LRP1B: variants seen among roughly 807,000 people sequenced by gnomAD.
LRP1B encodes LDL receptor related protein 1B.
Under a neutral mutation model 556.6 loss-of-function variants are expected in LRP1B, and 217 were observed. That is an observed-to-expected ratio of 0.39 (90% CI 0.35 to 0.44). The LOEUF is 0.44. Among genes scored for constraint, LRP1B ranks in the 20% least tolerant of loss-of-function variants. The pLI is 1.00. For missense variants in LRP1B, 5,053 were observed against 5,620.8 expected (o/e 0.90, Z 3.23); for synonymous variants, 2,047 against 1,865.8 (o/e 1.10, Z -2.50).
At chr2:141,100,345 A>G (rs1342413502) in intron 7 of LRP1B, among the ~76,000 whole-genome samples, 1 of 152,184 alleles carries the variant, frequency 6.6e-6, no homozygotes, top group African/African-American at 2.4e-5. Flanking sequence ...GCTCACAGCA[A>G]ATTCTAAAAA....
At chr2:141,752,001 C>T (rs1437347) in intron 2 of LRP1B, among the ~76,000 whole-genome samples, 61,022 of 150,780 alleles carry the variant, frequency 0.4, 12,602 homozygotes, top group East Asian at 0.5. Context: ...CGGATTAAAA[C>T]GGGCTTTATA....
chr2:141,761,032 C>T (rs184040799), intron 2 of LRP1B, among the ~76,000 whole-genome samples: 4 of 152,238 alleles, frequency 2.6e-5, no homozygotes, highest in African/African-American at 9.6e-5. Flanking sequence ...ATGGGGTTGA[C>T]AGACTGAGTG....
At chr2:141,210,407 CTCTTT>C (rs1327534401) in intron 6 of LRP1B, among the ~76,000 whole-genome samples, 3 of 152,134 alleles carry the variant, frequency 2.0e-5, no homozygotes, top group Admixed American at 6.5e-5. Context: ...AATAATTTCT[CTCTTT>C]TCTTTGTTCA....
At chr2:140,470,144 T>A (rs931337676) in intron 60 of LRP1B, among the ~76,000 whole-genome samples, 8 of 152,106 alleles carry the variant, frequency 5.3e-5, no homozygotes, top group Non-Finnish European at 2.9e-5. Flanking sequence ...AGAGTATAGG[T>A]TTTCTCCTCC....
intron 3 of LRP1B, among the ~76,000 whole-genome samples, chr2:141,414,246 A>AAAAAAAAGAAAAG (rs1553511549): frequency 0.018 from 2,689 of 147,836 alleles, 107 homozygotes; most frequent in African/African-American, 0.066. Flanking sequence ...TCAAAAAAAA[A>AAAAAAAAGAAAAG]AAAAAAAGAA....
At chr2:140,492,024 C>T (rs1298375788) in intron 57 of LRP1B, among the ~76,000 whole-genome samples, 2 of 152,110 alleles carry the variant, frequency 1.3e-5, no homozygotes, top group Non-Finnish European at 2.9e-5. Context: ...AATGTGAGTG[C>T]TGCCCTAATA....
intron 27 of LRP1B, among the ~76,000 whole-genome samples, chr2:140,852,863 T>G (rs1692501297): frequency 6.6e-6 from 1 of 151,986 alleles, no homozygotes; most frequent in Non-Finnish European, 1.5e-5. Flanking sequence ...AGATTTTAAT[T>G]TATCTAGTAT....
In LRP1B at chr2:142,110,818, A is replaced by G. The variant is rs372986416; in HGVS notation, c.82+19830T>C. On this transcript the variant is annotated intron_variant, in intron 1 of 90. Transcript: ENST00000389484. ...TTTACTGTATCATGATGAACAACCTATTGTAAATTGGTTCTCTTTTTCTTC... is the reference window on the plus strand; with the variant it reads ...TTTACTGTATCATGATGAACAACCTGTTGTAAATTGGTTCTCTTTTTCTTC... 2.0e-5 allele frequency among the ~76,000 whole-genome samples: 3 copies of G among 152,262 alleles called. No homozygotes were observed. The East Asian group carries it at 5.8e-4, about 29-fold the overall frequency.
intron 53 of LRP1B, among the ~76,000 whole-genome samples, chr2:140,506,182 A>G: frequency 6.6e-6 from 1 of 152,110 alleles, no homozygotes; most frequent in East Asian, 1.9e-4. Flanking sequence ...TACTGTCTTC[A>G]AATTTCAAGT....
intron 1 of LRP1B, among the ~76,000 whole-genome samples, chr2:141,913,954 G>A (rs1200425995): frequency 6.6e-6 from 1 of 152,060 alleles, no homozygotes; most frequent in African/African-American, 2.4e-5. Flanking sequence ...CACTGTGTTA[G>A]CCAGGATGGT....
intron 4 of LRP1B, among the ~76,000 whole-genome samples, chr2:141,253,358 C>A (rs73962886): frequency 0.026 from 3,943 of 152,244 alleles, 208 homozygotes; most frequent in African/African-American, 0.091. Flanking sequence ...AGTTTGGCCT[C>A]CCTGTGGTCA....
intron 5 of LRP1B, among the ~76,000 whole-genome samples, chr2:141,242,468 A>G (rs1683913211): frequency 6.6e-6 from 1 of 152,132 alleles, no homozygotes; most frequent in Non-Finnish European, 1.5e-5. Context: ...GTCTAGAAAC[A>G]TGCTTCCTTC....
chr2:140,232,584 TATTA>T lies in LRP1B; in HGVS notation c.*598_*601del, dbSNP rs570095917. 1.3e-5 allele frequency: 2 copies of T among 151,884 alleles called. No homozygotes were observed. The highest frequency in any genetic ancestry group is 4.1e-4 in the South Asian group (2 of 4,826). The allele number at this position is 151,884 out of a possible 1,614,324, so 9.4% of individuals were successfully genotyped here. On this transcript the variant is annotated 3_prime_UTR_variant, in exon 91 of 91. Transcript: ENST00000389484. ...TGTAGTCATCTGTGTTCATGCAAAT[TATTA>T]ATTTTACATATTTTTAATTTTTTTC...
intron 2 of LRP1B, among the ~76,000 whole-genome samples, chr2:141,740,496 A>G (rs886565585): frequency 2.0e-5 from 3 of 152,178 alleles, no homozygotes; most frequent in African/African-American, 7.2e-5. Flanking sequence ...GTCAGTTACA[A>G]GAGATATTTT....
intron 2 of LRP1B, among the ~76,000 whole-genome samples, chr2:141,586,701 G>C (rs1389186423): frequency 2.5e-4 from 38 of 152,264 alleles, no homozygotes; most frequent in Admixed American, 2.5e-3. Context: ...CCAGCACTTT[G>C]GGAGGCCGAG....
At chr2:141,376,558 T>A (rs985058627) in intron 3 of LRP1B, among the ~76,000 whole-genome samples, 1 of 152,214 alleles carries the variant, frequency 6.6e-6, no homozygotes, top group Non-Finnish European at 1.5e-5. Context: ...CTGCATCTAG[T>A]AAGTCATCTT....
chr2:140,386,617 C>A (rs1323051160), intron 66 of LRP1B, among the ~76,000 whole-genome samples: 1 of 151,978 alleles, frequency 6.6e-6, no homozygotes, highest in African/African-American at 2.4e-5. Flanking sequence ...GCACTGAGTA[C>A]CAGGAAAGTA....
intron 3 of LRP1B, among the ~76,000 whole-genome samples, chr2:141,330,754 T>C (rs1687608600): frequency 6.8e-6 from 1 of 146,788 alleles, no homozygotes; most frequent in Non-Finnish European, 1.5e-5. Flanking sequence ...AAACTTTTTT[T>C]TTTTTTTTTT....
intron 32 of LRP1B, among the ~76,000 whole-genome samples, chr2:140,801,736 ATT>A (rs1690521159): frequency 6.6e-6 from 1 of 152,196 alleles, no homozygotes; most frequent in South Asian, 2.1e-4. Flanking sequence ...GAAAATGAGC[ATT>A]TCTGAGTAAC....
Sources: allele counts gnomAD v4.1 joint callset (sites outside exome capture counted in the v4.1 genomes callset), GRCh38; gene constraint gnomAD v4.1.1; transcripts MANE v1.5; gene names NCBI Gene and HGNC (gene_info 2026-07-23, HGNC 2026-07-21).